DMXL2: variants seen among roughly 807,000 people sequenced by gnomAD.
DMXL2 encodes the protein dmX-like protein 2.
In DMXL2, 103 loss-of-function variants were observed where a neutral mutation model predicts 331.1. The observed-to-expected ratio is 0.31, with a 90% CI of 0.27 to 0.37. DMXL2 has a LOEUF of 0.37. DMXL2 is among the 10% of genes least tolerant of loss of function. The pLI, the probability that DMXL2 is intolerant of heterozygous loss-of-function variation, is 1.00. For missense variants in DMXL2, 3,171 were observed against 3,642.9 expected (o/e 0.87, Z 3.33); for synonymous variants, 1,281 against 1,252.1 (o/e 1.02, Z -0.49).
intron 23 of DMXL2, among the ~76,000 whole-genome samples, chr15:51,482,071 T>C (rs1430255876): frequency 1.3e-5 from 2 of 152,182 alleles, no homozygotes; most frequent in Non-Finnish European, 2.9e-5. Context: ...TTTATATATT[T>C]TATTTTAACA....
chr15:51,475,503 A>G (rs1365134964), intron 27 of DMXL2, among the ~76,000 whole-genome samples: 2 of 152,140 alleles, frequency 1.3e-5, no homozygotes, highest in African/African-American at 4.8e-5. Context: ...CAAAAAATAA[A>G]ATAAAATAAA....
intron 13 of DMXL2, among the ~76,000 whole-genome samples, chr15:51,524,415 G>GA (rs1470537352): frequency 6.6e-6 from 1 of 151,876 alleles, no homozygotes; most frequent in Non-Finnish European, 1.5e-5. Context: ...ACCACTATAC[G>GA]AAAAAAAGCA....
intron 13 of DMXL2, among the ~76,000 whole-genome samples, chr15:51,528,553 G>A (rs950769240): frequency 2.0e-5 from 3 of 151,832 alleles, no homozygotes; most frequent in African/African-American, 4.8e-5. Flanking sequence ...ATGCTGAAGG[G>A]GTCAATTCAG....
intron 13 of DMXL2, among the ~76,000 whole-genome samples, chr15:51,527,641 G>C (rs112350840): frequency 0.055 from 8,344 of 151,178 alleles, 635 homozygotes; most frequent in African/African-American, 0.18. Context: ...ATAATTGCTT[G>C]CACCCAGGAG....
At position 51,507,074 on chromosome 15, in the gene DMXL2, G is replaced by C. The variant is rs936582930; in HGVS notation, c.2764+60C>G. 3.8e-6 allele frequency: 5 copies of C among 1,327,430 alleles called. No individual in the cohort carries two copies. In the South Asian group the frequency reaches 8.6e-5, roughly 23 times the overall value. 82.2% of individuals were successfully genotyped at this position (1,327,430 alleles called of 1,614,324 possible). A position where few individuals can be genotyped will look rare whatever the true frequency, so the allele number is the denominator to read the frequency against. On this transcript the variant is annotated intron_variant, in intron 16 of 43. Coordinates refer to ENST00000560891, the MANE Select transcript of DMXL2 (RefSeq NM_001378457.1). ...ATTTTACAGAATTAACCAAAGTAAA[G>C]CATATTCTATAAAATAAATTTGTTA...
chr15:51,539,027 C>T (rs1315786280), intron 9 of DMXL2, among the ~76,000 whole-genome samples: 3 of 151,644 alleles, frequency 2.0e-5, no homozygotes, highest in Non-Finnish European at 2.9e-5. Context: ...CTGGGCAACA[C>T]GGTGAAGCCC....
chr15:51,618,778 C>A (rs4774596), intron 1 of DMXL2, among the ~76,000 whole-genome samples: 72,306 of 151,950 alleles, frequency 0.48, 17,604 homozygotes, highest in Non-Finnish European at 0.52. Context: ...CCAAACCTTA[C>A]TCTTCCATAA....
chr15:51,510,455 T>G (rs192879422), intron 15 of DMXL2, among the ~76,000 whole-genome samples: 32 of 152,284 alleles, frequency 2.1e-4, no homozygotes, highest in Admixed American at 7.2e-4. Context: ...CATTCACAAT[T>G]GCTACAATGA....
Position 51,474,419 on chromosome 15 carries a change from G to T in DMXL2, c.7138C>A (p.Arg2380=). 1.2e-6 allele frequency: 2 copies of T among 1,613,832 alleles called. No individual in the cohort carries two copies. The highest frequency in any genetic ancestry group is 2.2e-5 in the South Asian group (2 of 91,022). ...FRLAAHPLNN[R]MWAAVFGGGV... is the part of the protein sequence containing the mutation. The stretch of plus-strand genomic sequence containing the variant: ...CCTCCAAAAACAGCAGCCCACATTC[G>T]ATTATTTAATGGGTGGGCTGCAAGC... The change falls in exon 28 of 44, where the codon CGA becomes AGA. Residue 2380 remains arginine (R), a synonymous_variant. Transcript: ENST00000560891.
chr15:51,462,260 G>A (rs7168082), intron 33 of DMXL2, among the ~76,000 whole-genome samples: 1,833 of 152,218 alleles, frequency 0.012, 29 homozygotes, highest in East Asian at 0.026. Flanking sequence ...AAATTGAGCC[G>A]TATGGACTCT....
At chr15:51,453,702 C>A in intron 40 of DMXL2, 61 bp from the exon 41 acceptor site, 1 of 1,344,306 alleles carries the variant, frequency 7.4e-7, no homozygotes, top group Non-Finnish European at 1.1e-6. Context: ...GATACAGTAC[C>A]AACATACATG....
At chr15:51,483,158 G>A (rs544163662) in intron 23 of DMXL2, among the ~76,000 whole-genome samples, 4 of 152,312 alleles carry the variant, frequency 2.6e-5, no homozygotes, top group African/African-American at 9.6e-5. Flanking sequence ...CCTGTGTCCA[G>A]TTTGGAGAGA....
chr15:51,538,127 C>T (rs529510301), intron 10 of DMXL2, 86 bp downstream of exon 10: 9 of 1,456,042 alleles, frequency 6.2e-6, no homozygotes, highest in Middle Eastern at 3.6e-4. Context: ...GGAGGAAGAG[C>T]GGGAAGGAAG....
At chr15:51,456,730 T>C (rs2039653920) in intron 37 of DMXL2, among the ~76,000 whole-genome samples, 1 of 152,260 alleles carries the variant, frequency 6.6e-6, no homozygotes, top group East Asian at 1.9e-4. Flanking sequence ...TGACATGCTT[T>C]CAAGCACTTA....
At chr15:51,575,941 C>A (rs2050996990) in intron 2 of DMXL2, 115 bp downstream of exon 2, 3 of 1,058,806 alleles carry the variant, frequency 2.8e-6, no homozygotes, top group Non-Finnish European at 4.1e-6. Context: ...TGCTAATAAT[C>A]ACCCAAGCAA....
chr15:51,471,232 A>G lies in DMXL2; in HGVS notation c.7383T>C (p.Phe2461=), dbSNP rs756729734. Residue 2461 remains phenylalanine (F), a synonymous_variant, in exon 29 of 44, where the codon TTT becomes TTC. Coordinates refer to ENST00000560891, the MANE Select transcript of DMXL2 (RefSeq NM_001378457.1). ...IPPELSMWDY[F]VAKPFLPLSD... Reference sequence around the variant, plus strand: ...TCCTCACACTCCTTACCTTTGCAACAAAATAATCCCACATACTAAGTTCGG... The same window carrying G: ...TCCTCACACTCCTTACCTTTGCAACGAAATAATCCCACATACTAAGTTCGG... The G allele has an allele frequency of 1.9e-6, 3 of 1,613,626 alleles. No individual in the cohort carries two copies. The highest frequency in any genetic ancestry group is 2.5e-6 in the Non-Finnish European group (3 of 1,179,708).
intron 3 of DMXL2, chr15:51,568,182 C>G (rs2050418323): frequency 4.2e-6 from 1 of 240,120 alleles, no homozygotes; most frequent in Non-Finnish European, 7.9e-6. Flanking sequence ...CTGAAGGCAG[C>G]AGGAAACCAG....
At chr15:51,451,014 G>A (rs538007751) in intron 42 of DMXL2, among the ~76,000 whole-genome samples, 2 of 152,288 alleles carry the variant, frequency 1.3e-5, no homozygotes, top group African/African-American at 2.4e-5. Context: ...CTTTTTGGGT[G>A]GTACTATGTG....
intron 13 of DMXL2, among the ~76,000 whole-genome samples, chr15:51,526,830 AAC>A (rs2140793998): frequency 6.6e-6 from 1 of 152,302 alleles, no homozygotes; most frequent in South Asian, 2.1e-4. Flanking sequence ...TGAGTTTGAA[AAC>A]ACACAGAGGA....
Sources: allele counts gnomAD v4.1 joint callset (sites outside exome capture counted in the v4.1 genomes callset), GRCh38; gene constraint gnomAD v4.1.1; transcripts MANE v1.5; gene names NCBI Gene and HGNC (gene_info 2026-07-23, HGNC 2026-07-21).